The following RIT2 variants were observed in gnomAD, a reference collection of about 807,000 sequenced individuals.
RIT2 encodes the protein Ras like without CAAX 2.
A neutral mutation model predicts 23.7 loss-of-function variants in RIT2; 24 were observed. That is an observed-to-expected ratio of 1.01 (90% CI 0.73 to 1.43). RIT2 has a LOEUF of 1.43. Ranked by LOEUF, RIT2 falls within the 40% of genes most tolerant of loss-of-function variation. The pLI is 0.00. For missense variants in RIT2, 236 were observed against 266.9 expected (o/e 0.88, Z 0.81); for synonymous variants, 107 against 91.1 (o/e 1.17, Z -0.99).
At chr18:42,875,344 T>A (rs1423637706) in intron 4 of RIT2, among the ~76,000 whole-genome samples, 40 of 151,702 alleles carry the variant, frequency 2.6e-4, no homozygotes, top group African/African-American at 9.4e-4. Context: ...TTTTTTTTTT[T>A]TAAAAAAAGG....
intron 3 of RIT2, among the ~76,000 whole-genome samples, chr18:42,954,570 A>G (rs1281762103): frequency 6.6e-6 from 1 of 152,000 alleles, no homozygotes; most frequent in East Asian, 1.9e-4. Context: ...CAGCCTCACA[A>G]GCTCCATATA....
At chr18:42,843,565 A>G (rs1906826694) in intron 4 of RIT2, among the ~76,000 whole-genome samples, 1 of 152,164 alleles carries the variant, frequency 6.6e-6, no homozygotes, top group South Asian at 2.1e-4. Flanking sequence ...GAAGTAGGAG[A>G]TTTTATACCT....
At chr18:42,990,444 A>T (rs1405593751) in intron 2 of RIT2, among the ~76,000 whole-genome samples, 1 of 152,198 alleles carries the variant, frequency 6.6e-6, no homozygotes, top group South Asian at 2.1e-4. Flanking sequence ...GATCTGATGT[A>T]TAAAATTAAC....
chr18:42,852,699 T>C (rs1262932394), intron 4 of RIT2, among the ~76,000 whole-genome samples: 1 of 152,176 alleles, frequency 6.6e-6, no homozygotes, highest in African/African-American at 2.4e-5. Context: ...AATTTACATG[T>C]CCATAAAATT....
chr18:42,880,175 C>G (rs532855267), intron 4 of RIT2, among the ~76,000 whole-genome samples: 6 of 152,182 alleles, frequency 3.9e-5, no homozygotes, highest in Admixed American at 2.6e-4. Context: ...AGGACTGGAT[C>G]TCGTATTATA....
At chr18:42,985,831 A>G (rs544166779) in intron 2 of RIT2, among the ~76,000 whole-genome samples, 20 of 152,214 alleles carry the variant, frequency 1.3e-4, no homozygotes, top group Admixed American at 1.2e-3. Context: ...CATGACTTAG[A>G]GTGATAAATC....
intron 2 of RIT2, among the ~76,000 whole-genome samples, chr18:43,033,497 T>G (rs1383634335): frequency 6.6e-6 from 1 of 152,112 alleles, no homozygotes; most frequent in Admixed American, 6.6e-5. Context: ...AGAGTACAAT[T>G]TTATTATCCA....
At chr18:42,757,585 GTT>G (rs1913193447) in intron 4 of RIT2, among the ~76,000 whole-genome samples, 1 of 152,108 alleles carries the variant, frequency 6.6e-6, no homozygotes, top group Non-Finnish European at 1.5e-5. Context: ...AATATTCTAC[GTT>G]TTCTGGCCTT....
intron 3 of RIT2, among the ~76,000 whole-genome samples, chr18:42,941,732 G>A (rs1226211368): frequency 6.6e-6 from 1 of 151,956 alleles, no homozygotes; most frequent in African/African-American, 2.4e-5. Flanking sequence ...TAATAACATT[G>A]ATTTTACAGT....
intron 2 of RIT2, among the ~76,000 whole-genome samples, chr18:43,005,686 AG>A (rs1245302155): frequency 2.0e-5 from 3 of 151,786 alleles, no homozygotes; most frequent in Non-Finnish European, 2.9e-5. Flanking sequence ...ATGCCCCCTA[AG>A]GCAAAACCAT....
At chr18:43,061,324 C>CT (rs1170623965) in intron 1 of RIT2, among the ~76,000 whole-genome samples, 1 of 152,040 alleles carries the variant, frequency 6.6e-6, no homozygotes, top group Non-Finnish European at 1.5e-5. Context: ...TTTTCTAAAA[C>CT]TTTTTTGATT....
At chr18:42,961,638 G>C (rs779371655) in intron 3 of RIT2, among the ~76,000 whole-genome samples, 7 of 152,316 alleles carry the variant, frequency 4.6e-5, no homozygotes, top group Non-Finnish European at 8.8e-5. Flanking sequence ...GATCCATTGT[G>C]AAGATGTGTG....
At chr18:42,900,432 A>G (rs1350722045) in intron 4 of RIT2, among the ~76,000 whole-genome samples, 1 of 152,074 alleles carries the variant, frequency 6.6e-6, no homozygotes, top group Non-Finnish European at 1.5e-5. Flanking sequence ...CCCATATACA[A>G]ATAATTAGGT....
chr18:42,753,493 C>T (rs949816565), intron 4 of RIT2, among the ~76,000 whole-genome samples: 3 of 152,130 alleles, frequency 2.0e-5, no homozygotes, highest in Non-Finnish European at 4.4e-5. Context: ...AGTGGTTATG[C>T]CTACTGGGTG....
intron 2 of RIT2, among the ~76,000 whole-genome samples, chr18:42,996,608 A>AC (rs1299251140): frequency 2.7e-5 from 4 of 147,458 alleles, no homozygotes; most frequent in African/African-American, 5.0e-5. Flanking sequence ...GCACCTTGTG[A>AC]CCCCCCACTC....
At chr18:42,945,417 G>T (rs1193625653) in intron 3 of RIT2, among the ~76,000 whole-genome samples, 1 of 151,696 alleles carries the variant, frequency 6.6e-6, no homozygotes, top group African/African-American at 2.4e-5. Flanking sequence ...ATTCATTTAG[G>T]CACAGGGCTC....
intron 3 of RIT2, among the ~76,000 whole-genome samples, chr18:42,933,267 T>C (rs1438028326): frequency 6.6e-6 from 1 of 152,130 alleles, no homozygotes; most frequent in African/African-American, 2.4e-5. Flanking sequence ...CCTAGATAAA[T>C]CTTTTAAGAA....
chr18:43,042,999 T>C (rs780792528), intron 1 of RIT2, among the ~76,000 whole-genome samples: 33 of 152,274 alleles, frequency 2.2e-4, no homozygotes, highest in South Asian at 4.1e-4. Context: ...ATATAGTTTA[T>C]AAAAAAGATA....
At position 42,974,097 on chromosome 18, in the gene RIT2, C is replaced by T. The variant is rs1262882444; in HGVS notation, c.211G>A (p.Asp71Asn). The change falls in exon 3 of 5, where the codon GAC becomes AAC. Residue 71 changes from aspartate (D) to asparagine (N), a missense_variant. By Grantham distance (23) the Asp-to-Asn change is conservative. Transcript: ENST00000326695. ...VRIDNEPAYL[D>N]ILDTAGQAEF... ...ACCTGGCCAGCAGTGTCCAAGATGTCCAAGTAAGCTGGCTCATTGTCAATC... is the reference window on the plus strand; with the variant it reads ...ACCTGGCCAGCAGTGTCCAAGATGTTCAAGTAAGCTGGCTCATTGTCAATC... 6.2e-7 allele frequency: 1 copy of T among 1,611,312 alleles called. No homozygotes were observed. Among genetic ancestry groups the T allele is most frequent in the Non-Finnish European group, 8.5e-7 (1 of 1,178,392 alleles).
Sources: gnomAD v4.1 joint callset for allele counts (sites outside exome capture counted in the v4.1 genomes callset) on GRCh38, gnomAD v4.1.1 for gene constraint, MANE v1.5 for transcripts, NCBI Gene and HGNC (gene_info 2026-07-23, HGNC 2026-07-21) for gene names.